Variants in KIAA1143 observed in about 807,000 individuals in gnomAD.
KIAA1143 encodes uncharacterized protein KIAA1143.
Under a neutral mutation model 17.0 loss-of-function variants are expected in KIAA1143, and 8 were observed. That is an observed-to-expected ratio of 0.47 (90% confidence interval 0.28 to 0.85). The LOEUF is 0.85. Among genes scored for constraint, KIAA1143 ranks in the 40% least tolerant of loss-of-function variants. The pLI, the probability that KIAA1143 is intolerant of heterozygous loss-of-function variation, is 0.12. For missense variants in KIAA1143, 162 were observed against 183.3 expected, an observed-to-expected ratio of 0.88 and a Z score of 0.67; for synonymous variants, 64 against 67.8, an observed-to-expected ratio of 0.94 and a Z score of 0.27.
chr3:44,754,943 C>T (rs1478647714), intron 1 of KIAA1143, among the ~76,000 whole-genome samples: 1 of 152,086 alleles, frequency 6.6e-6, no homozygotes, highest in Non-Finnish European at 1.5e-5. Context: ...CTTGCTTTTT[C>T]CCTATTTATG....
At chr3:44,754,517 T>C in intron 1 of KIAA1143, 149 bp from the exon 2 acceptor site, 1 of 745,960 alleles carries the variant, frequency 1.3e-6, no homozygotes, top group Non-Finnish European at 2.2e-6. Context: ...CCAAAGAGAC[T>C]TAGCTTGCCA....
At chr3:44,755,149 T>A (rs1704951807) in intron 1 of KIAA1143, among the ~76,000 whole-genome samples, 1 of 152,188 alleles carries the variant, frequency 6.6e-6, no homozygotes, top group Non-Finnish European at 1.5e-5. Flanking sequence ...ATCTGATTTT[T>A]AAAAAATCAC....
At position 44,753,400 on chromosome 3, in the gene KIAA1143, G is replaced by A. The variant is rs1297346386; in HGVS notation, c.406C>T (p.Gln136Ter). The part of the protein sequence containing the change: ...VNQDSVKKNS[Q>*]KQIKNSSLLS... The stretch of plus-strand genomic sequence containing the variant: ...AGGCTACTATTTTTAATTTGTTTTT[G>A]TGAGTTCTTTTTGACCGAGTCCTGA... Residue 136 changes from glutamine to a stop codon, truncating the protein, a stop_gained, in exon 3 of 3, where the codon CAA (glutamine) becomes TAA (stop). Transcript: ENST00000296121. LOFTEE classifies it high-confidence loss of function. 2 of 1,599,498 alleles carry A rather than the reference G, an allele frequency of 1.3e-6. No individual in the cohort carries two copies. The highest frequency in any genetic ancestry group is 1.7e-6 in the Non-Finnish European group (2 of 1,167,306).
chr3:44,748,788 C>T lies in KIAA1143; in HGVS notation c.*4553G>A, dbSNP rs1182566274. ...TTGTGCACTTAGTAGGCCAGATACT[C>T]TTCTGATATTTGAGAATACAGTGGT... On this transcript the variant is annotated 3_prime_UTR_variant, in exon 3 of 3. Coordinates refer to ENST00000296121, the MANE Select transcript of KIAA1143 (RefSeq NM_020696.4). 2.0e-5 allele frequency: 3 copies of T among 152,334 alleles called. No individual in the cohort carries two copies. The highest frequency in any genetic ancestry group is 3.4e-3 in the Middle Eastern group (1 of 294). 9.4% of individuals were successfully genotyped at this position (152,334 alleles called of 1,614,324 possible). A position where few individuals can be genotyped will look rare whatever the true frequency, so the allele number is the denominator to read the frequency against.
intron 1 of KIAA1143, among the ~76,000 whole-genome samples, chr3:44,760,420 C>A (rs1263200443): frequency 6.6e-6 from 1 of 152,076 alleles, no homozygotes; most frequent in African/African-American, 2.4e-5. Context: ...GACGGAGTCT[C>A]GCTCTGTCGC....
In KIAA1143 at chr3:44,750,088, C is replaced by T. The variant is rs1430638187; in HGVS notation, c.*3253G>A. Reference sequence around the variant, plus strand: ...ACAAGCATGAGCCATTGTGTCTGGCCTGGGTGATTCTTTATCTGACATAGA... The same window carrying T: ...ACAAGCATGAGCCATTGTGTCTGGCTTGGGTGATTCTTTATCTGACATAGA... On this transcript the variant is annotated 3_prime_UTR_variant, in exon 3 of 3. Coordinates refer to ENST00000296121, the MANE Select transcript of KIAA1143 (RefSeq NM_020696.4). 2.0e-5 allele frequency: 3 copies of T among 152,134 alleles called. No individual in the cohort carries two copies. The highest frequency in any genetic ancestry group is 2.9e-5 in the Non-Finnish European group (2 of 68,036). The allele number at this position is 152,134 out of a possible 1,614,324, so 9.4% of individuals were successfully genotyped here.
At chr3:44,758,337 T>C (rs1037869049) in intron 1 of KIAA1143, among the ~76,000 whole-genome samples, 1 of 152,194 alleles carries the variant, frequency 6.6e-6, no homozygotes, top group South Asian at 2.1e-4. Context: ...TTTGTGATGC[T>C]GCAATGCTGT....
rs1367088419 is a variant in KIAA1143, at chr3:44,753,083, A to G, written c.*258T>C. 3.6e-6 allele frequency: 1 copy of G among 274,048 alleles called. No individual in the cohort carries two copies. The highest frequency in any genetic ancestry group is 6.7e-6 in the Non-Finnish European group (1 of 148,154). The allele number at this position is 274,048 out of a possible 1,614,324, so 17.0% of individuals were successfully genotyped here. On this transcript the variant is annotated 3_prime_UTR_variant, in exon 3 of 3. Transcript: ENST00000296121. ...AATTTTGTTTACACACAAAAAATGT[A>G]TTTTGCTTAAAAATATAATTTACAT...
intron 1 of KIAA1143, among the ~76,000 whole-genome samples, chr3:44,757,965 G>C (rs1478122733): frequency 6.6e-6 from 1 of 152,044 alleles, no homozygotes; most frequent in Non-Finnish European, 1.5e-5. Context: ...TCACATAAAA[G>C]TTATGTTCAC....
At chr3:44,761,439 G>T in intron 1 of KIAA1143, 56 bp downstream of exon 1, 2 of 1,453,320 alleles carry the variant, frequency 1.4e-6, no homozygotes, top group Non-Finnish European at 1.9e-6. Context: ...AGAGGCAAAA[G>T]TTGAAAGTGG....
At chr3:44,756,681 C>G (rs1219695607) in intron 1 of KIAA1143, among the ~76,000 whole-genome samples, 1 of 152,156 alleles carries the variant, frequency 6.6e-6, no homozygotes, top group South Asian at 2.1e-4. Context: ...CCTCCTTATC[C>G]TCAATTTCAT....
intron 1 of KIAA1143, 78 bp from the exon 2 acceptor site, chr3:44,754,446 A>G (rs756330504): frequency 9.1e-6 from 12 of 1,322,350 alleles, no homozygotes; most frequent in Non-Finnish European, 1.2e-5. Flanking sequence ...GAGAAACTGT[A>G]ATTATTTATG....
Position 44,754,478 on chromosome 3 carries a change from A to T in KIAA1143, c.109-110T>A, listed in dbSNP as rs879109197. The T allele has an allele frequency of 2.1e-5, 21 of 1,012,420 alleles. No homozygotes were observed. The South Asian group carries it at 3.0e-4, about 14-fold the overall frequency. 62.7% of individuals were successfully genotyped at this position (1,012,420 alleles called of 1,614,324 possible). On this transcript the variant is annotated intron_variant, in intron 1 of 2. Transcript: ENST00000296121. Reference sequence around the variant, plus strand: ...TATGAGAAGGGTATCTTTATTGAGTAAATAAGGGCAATGAATTTTAAGGTA... The same window carrying T: ...TATGAGAAGGGTATCTTTATTGAGTTAATAAGGGCAATGAATTTTAAGGTA...
intron 1 of KIAA1143, 144 bp downstream of exon 1, chr3:44,761,351 C>G: frequency 1.6e-6 from 1 of 635,158 alleles, no homozygotes; most frequent in Middle Eastern, 4.3e-4. Context: ...AAAGAACCAG[C>G]CTGGGGGTCC....
chr3:44,753,617 AAAT>A (rs1402472902), intron 2 of KIAA1143, 65 bp from the exon 3 acceptor site: 2 of 1,427,540 alleles, frequency 1.4e-6, no homozygotes, highest in Admixed American at 2.2e-5. Context: ...CCTTAGAAGC[AAAT>A]AATAAGAAAA....
At chr3:44,758,297 T>C (rs1457133079) in intron 1 of KIAA1143, among the ~76,000 whole-genome samples, 5 of 152,178 alleles carry the variant, frequency 3.3e-5, no homozygotes, top group Non-Finnish European at 5.9e-5. Flanking sequence ...GTTTGCTGCA[T>C]TGAGTCTTCC....
Position 44,753,568 on chromosome 3 carries a change from A to G in KIAA1143, c.254-16T>C. ...GGTTCTTCATCTGAGCAAAAACAGA[A>G]TTTTTAAGAACTTTCTTCTCCTCAT... On this transcript the variant is annotated splice_polypyrimidine_tract_variant and intron_variant, in intron 2 of 2. Transcript: ENST00000296121. 6.3e-7 allele frequency: 1 copy of G among 1,594,364 alleles called. No individual in the cohort carries two copies. The highest frequency in any genetic ancestry group is 1.1e-5 in the South Asian group (1 of 87,762).
Position 44,761,582 on chromosome 3 carries a change from T to C in KIAA1143, c.21A>G (p.Val7=), listed in dbSNP as rs1022209518. The change falls in exon 1 of 3, where the codon GTA becomes GTG. Residue 7 remains valine (V), a synonymous_variant. Coordinates refer to ENST00000296121, the MANE Select transcript of KIAA1143 (RefSeq NM_020696.4). The part of the protein sequence containing the change: MSKRNQ[V]SYVRPAEPAF... ...CCGGCTCGGCTGGCCGCACGTACGA[T>C]ACCTGGTTCCGCTTGCTCATGGTAG... 2.5e-6 allele frequency: 4 copies of C among 1,612,658 alleles called. No individual in the cohort carries two copies. Among genetic ancestry groups the C allele is most frequent in the Admixed American group, 1.7e-5 (1 of 59,822 alleles).
Position 44,752,670 on chromosome 3 carries a change from C to G in KIAA1143, c.*671G>C, listed in dbSNP as rs1704907147. 6.6e-6 allele frequency: 1 copy of G among 151,908 alleles called. No homozygotes were observed. The highest frequency in any genetic ancestry group is 2.4e-5 in the African/African-American group (1 of 41,382). The allele number at this position is 151,908 out of a possible 1,614,324, so 9.4% of individuals were successfully genotyped here. On this transcript the variant is annotated 3_prime_UTR_variant, in exon 3 of 3. Transcript: ENST00000296121. ...CTGCCTTCCTTATGCCTAAAAGTGG[C>G]TCTGGTACTCAGGTTTTATCTCTGC...
Sources: gnomAD v4.1 joint callset for allele counts (sites outside exome capture counted in the v4.1 genomes callset) on GRCh38, gnomAD v4.1.1 for gene constraint, MANE v1.5 for transcripts, NCBI Gene and HGNC (gene_info 2026-07-23, HGNC 2026-07-21) for gene names.